Variants in EEPD1 observed in about 807,000 individuals in gnomAD.
The protein encoded by EEPD1 is endonuclease/exonuclease/phosphatase family domain containing 1.
A neutral mutation model predicts 46.3 loss-of-function variants in EEPD1; 17 were observed. The ratio of observed to expected loss-of-function variants is 0.37; its 90% CI spans 0.25 to 0.55. The LOEUF (loss-of-function observed/expected upper bound fraction) is 0.55, where lower values mean the gene tolerates loss of function less well. EEPD1 is among the 20% of genes least tolerant of loss of function. The pLI is 0.83. For missense variants in EEPD1, 673 were observed against 745.6 expected, an observed-to-expected ratio of 0.90 and a Z score of 1.13; for synonymous variants, 313 against 315.6, an observed-to-expected ratio of 0.99 and a Z score of 0.09.
At chr7:36,282,840 G>C (rs1214544702) in intron 4 of EEPD1, among the ~76,000 whole-genome samples, 1 of 152,150 alleles carries the variant, frequency 6.6e-6, no homozygotes, top group Non-Finnish European at 1.5e-5. Context: ...GGCCCAATGT[G>C]GCCAAACCTC....
intron 3 of EEPD1, among the ~76,000 whole-genome samples, chr7:36,248,994 AACACACACACACACACAC>A (rs71553052): frequency 7.4e-6 from 1 of 135,348 alleles, no homozygotes; most frequent in Admixed American, 7.6e-5. Flanking sequence ...TGGTTCATTA[AACACACACACACACACAC>A]ACACACACAC....
chr7:36,242,158 A>G (rs573157124), intron 3 of EEPD1, among the ~76,000 whole-genome samples: 3 of 152,338 alleles, frequency 2.0e-5, no homozygotes, highest in African/African-American at 7.2e-5. Context: ...AATTGAAACT[A>G]TTCTAATTCT....
chr7:36,196,206 C>G (rs1785579802), intron 2 of EEPD1, among the ~76,000 whole-genome samples: 1 of 152,138 alleles, frequency 6.6e-6, no homozygotes, highest in African/African-American at 2.4e-5. Context: ...CTGGGTGAGT[C>G]AGTGAGTGAG....
chr7:36,248,660 A>C (rs544247205), intron 3 of EEPD1, among the ~76,000 whole-genome samples: 22 of 151,386 alleles, frequency 1.5e-4, no homozygotes, highest in African/African-American at 5.3e-4. Flanking sequence ...TACCACCTTG[A>C]GTGATCAATA....
chr7:36,273,613 C>T (rs928936031), intron 3 of EEPD1, among the ~76,000 whole-genome samples: 2 of 152,110 alleles, frequency 1.3e-5, no homozygotes, highest in Non-Finnish European at 2.9e-5. Context: ...TTATGAGACT[C>T]ATATTTCCTC....
intron 3 of EEPD1, among the ~76,000 whole-genome samples, chr7:36,280,605 A>G (rs1477011): frequency 0.54 from 82,842 of 152,128 alleles, 22,809 homozygotes; most frequent in South Asian, 0.6. Context: ...GTGTGGGTGC[A>G]GCAGCAGCTC....
intron 2 of EEPD1, among the ~76,000 whole-genome samples, chr7:36,162,226 T>G (rs750932710): frequency 6.6e-6 from 1 of 152,264 alleles, no homozygotes; most frequent in Non-Finnish European, 1.5e-5. Flanking sequence ...TCTTATGTAA[T>G]GTCTTGATTG....
In EEPD1 at chr7:36,295,231, C is replaced by T. The variant is rs529866192; in HGVS notation, c.1316-1762C>T. ...ACAGCATGATCTTGGAGCATCTTGT[C>T]GTGTCAGAAGGAAGTGCTCAAACAA... is the stretch of plus-strand genomic sequence containing the variant. On this transcript the variant is annotated intron_variant, in intron 6 of 7. Coordinates refer to ENST00000242108, the MANE Select transcript of EEPD1 (RefSeq NM_030636.3). Among the ~76,000 whole-genome samples the T allele has an allele frequency of 7.4e-4, 112 of 151,830 alleles. 1 individual carries two copies. Among genetic ancestry groups the T allele is most frequent in the Admixed American group, 4.0e-3 (61 of 15,266 alleles).
chr7:36,226,604 T>A (rs1051755435), intron 2 of EEPD1, among the ~76,000 whole-genome samples: 3 of 152,184 alleles, frequency 2.0e-5, no homozygotes, highest in African/African-American at 7.2e-5. Flanking sequence ...AGAGTCTCAA[T>A]ACACTTTACT....
At chr7:36,231,447 T>C (rs112531560) in intron 2 of EEPD1, among the ~76,000 whole-genome samples, 2 of 152,272 alleles carry the variant, frequency 1.3e-5, no homozygotes, top group African/African-American at 4.8e-5. Context: ...TTTCATCTGC[T>C]TGGGGCTGTG....
At chr7:36,285,449 A>G (rs1787328999) in intron 5 of EEPD1, among the ~76,000 whole-genome samples, 1 of 152,094 alleles carries the variant, frequency 6.6e-6, no homozygotes. Flanking sequence ...CCCATGTGGG[A>G]ATCTCTGTCC....
At chr7:36,291,493 C>T (rs185254512) in intron 6 of EEPD1, among the ~76,000 whole-genome samples, 266 of 152,256 alleles carry the variant, frequency 1.7e-3, no homozygotes, top group African/African-American at 6.0e-3. Context: ...CTGTTAAGTG[C>T]GGTGCTATCG....
At chr7:36,277,153 G>T (rs374400948) in intron 3 of EEPD1, among the ~76,000 whole-genome samples, 1 of 152,210 alleles carries the variant, frequency 6.6e-6, no homozygotes, top group African/African-American at 2.4e-5. Flanking sequence ...CAGTAGAGGG[G>T]GCCAGCCCCA....
At chr7:36,290,425 AG>A (rs35805004) in intron 6 of EEPD1, among the ~76,000 whole-genome samples, 9,008 of 152,108 alleles carry the variant, frequency 0.059, 460 homozygotes, top group East Asian at 0.15. Context: ...CTCCAGACCC[AG>A]GGGTTCAGGA....
intron 2 of EEPD1, among the ~76,000 whole-genome samples, chr7:36,204,541 A>G (rs1270150811): frequency 1.3e-5 from 2 of 152,112 alleles, no homozygotes; most frequent in Admixed American, 6.5e-5. Flanking sequence ...CTGCCCACCT[A>G]AGTGAGACAC....
intron 3 of EEPD1, among the ~76,000 whole-genome samples, chr7:36,244,933 C>T (rs1027996103): frequency 6.6e-6 from 1 of 151,232 alleles, no homozygotes; most frequent in African/African-American, 2.4e-5. Context: ...CCATTATGCC[C>T]GGCTAATGTT....
chr7:36,281,391 C>T (rs572123026), intron 4 of EEPD1, among the ~76,000 whole-genome samples, 166 bp downstream of exon 4: 3 of 152,126 alleles, frequency 2.0e-5, no homozygotes, highest in Non-Finnish European at 4.4e-5. Flanking sequence ...CCCTGGTTTT[C>T]GGTTCACGTT....
At chr7:36,281,304 A>T in intron 4 of EEPD1, 79 bp downstream of exon 4, 2 of 1,335,556 alleles carry the variant, frequency 1.5e-6, no homozygotes, top group Non-Finnish European at 1.0e-6. Flanking sequence ...GCATTTAAAA[A>T]TTTCCTTTGC....
intron 2 of EEPD1, among the ~76,000 whole-genome samples, chr7:36,214,696 A>T (rs756644765): frequency 4.6e-5 from 7 of 152,116 alleles, no homozygotes; most frequent in Non-Finnish European, 7.4e-5. Flanking sequence ...AAACATGGAG[A>T]ACCTTTATCT....
Sources: allele counts gnomAD v4.1 joint callset (sites outside exome capture counted in the v4.1 genomes callset), GRCh38; gene constraint gnomAD v4.1.1; transcripts MANE v1.5; gene names NCBI Gene and HGNC (gene_info 2026-07-23, HGNC 2026-07-21).